GREB1L: variants seen among roughly 807,000 people sequenced by gnomAD.
The protein encoded by GREB1L is GREB1-like protein.
GREB1L carries 17 observed loss-of-function variants against 200.8 expected under a neutral mutation model. That is an observed-to-expected ratio of 0.08 (90% confidence interval 0.06 to 0.13). The LOEUF (loss-of-function observed/expected upper bound fraction) is 0.13, where lower values mean the gene tolerates loss of function less well. Among genes scored for constraint, GREB1L ranks in the 10% least tolerant of loss-of-function variants. The pLI is 1.00. For synonymous variants in GREB1L, 789 were observed against 893.0 expected (o/e 0.88, Z 2.08); for missense variants, 1,657 against 2,367.7 (o/e 0.70, Z 6.23).
intron 21 of GREB1L, among the ~76,000 whole-genome samples, chr18:21,499,356 G>C (rs2036680410): frequency 1.3e-5 from 2 of 152,168 alleles, no homozygotes; most frequent in Admixed American, 6.5e-5. Context: ...TGCTGTGCTG[G>C]GGGGTGGTTA....
intron 2 of GREB1L, among the ~76,000 whole-genome samples, chr18:21,379,297 C>G (rs1235428933): frequency 6.6e-6 from 1 of 152,148 alleles, no homozygotes; most frequent in Non-Finnish European, 1.5e-5. Context: ...ACCTCCGCCT[C>G]CCGGGTTCAA....
chr18:21,505,427 G>C lies in GREB1L; in HGVS notation c.4088G>C (p.Ser1363Thr), dbSNP rs776560385. ...EEINTDHNES[S>T]EVSQSEGEPW... ...CTTGTCCTAGATCACAATGAAAGCAGTGAAGTGAGCCAGTCAGAGGGAGAG... is the reference window on the plus strand; with the variant it reads ...CTTGTCCTAGATCACAATGAAAGCACTGAAGTGAGCCAGTCAGAGGGAGAG... The change falls in exon 24 of 33, where the codon AGT becomes ACT. Residue 1363 changes from serine (S) to threonine (T), a missense_variant. Transcript: ENST00000424526. 7.1e-6 allele frequency: 11 copies of C among 1,551,284 alleles called. No homozygotes were observed. Among genetic ancestry groups the C allele is most frequent in the Non-Finnish European group, 9.6e-6 (11 of 1,146,986 alleles).
At chr18:21,268,546 CACACACACACACACATATATATATAT>C (rs1296628931) in intron 1 of GREB1L, among the ~76,000 whole-genome samples, 3 of 97,938 alleles carry the variant, frequency 3.1e-5, no homozygotes, top group African/African-American at 1.6e-4. Flanking sequence ...CACACACACA[CACACACACACACACATATATATATAT>C]ATATATATAT....
In GREB1L at chr18:21,440,386, C is replaced by T. The variant is rs369888713; in HGVS notation, c.1067C>T (p.Thr356Met). The stretch of plus-strand genomic sequence containing the variant: ...CCTACAGTTCGCCCTCTTTCAAGAA[C>T]GGGTAAGATTTTAACAGAAGATGGA... ...PVPTVRPLSR[T>M]EPLLSAPVPQ... Residue 356 changes from threonine to methionine, a missense_variant and splice_region_variant, in exon 9 of 33, where the codon ACG (threonine) becomes ATG (methionine). By Grantham distance (81) the Thr-to-Met change is moderately conservative. Transcript: ENST00000424526. 6.8e-5 allele frequency: 106 copies of T among 1,551,176 alleles called. 1 individual carries two copies. Among genetic ancestry groups the T allele is most frequent in the Middle Eastern group, 5.0e-4 (3 of 6,020 alleles).
intron 1 of GREB1L, among the ~76,000 whole-genome samples, chr18:21,314,197 G>T (rs2038833837): frequency 6.6e-6 from 1 of 152,188 alleles, no homozygotes. Flanking sequence ...CAAACTCCAA[G>T]TTGCTATGGT....
chr18:21,322,046 G>A (rs1480809317), intron 1 of GREB1L, among the ~76,000 whole-genome samples: 1 of 152,110 alleles, frequency 6.6e-6, no homozygotes, highest in Non-Finnish European at 1.5e-5. Flanking sequence ...GAATAAGGAG[G>A]AGGTGAAATT....
At chr18:21,435,359 G>T (rs2033468115) in intron 7 of GREB1L, among the ~76,000 whole-genome samples, 2 of 152,092 alleles carry the variant, frequency 1.3e-5, no homozygotes, top group African/African-American at 2.4e-5. Flanking sequence ...CTAGGAACTG[G>T]GAATACAAAG....
At chr18:21,379,300 G>A (rs2040207424) in intron 2 of GREB1L, among the ~76,000 whole-genome samples, 1 of 152,088 alleles carries the variant, frequency 6.6e-6, no homozygotes, top group South Asian at 2.1e-4. Context: ...TCCGCCTCCC[G>A]GGTTCAAGCG....
At chr18:21,282,079 C>T (rs2038278906) in intron 1 of GREB1L, among the ~76,000 whole-genome samples, 1 of 151,984 alleles carries the variant, frequency 6.6e-6, no homozygotes, top group South Asian at 2.1e-4. Flanking sequence ...TTGAGACCAG[C>T]CTGAGTGACT....
chr18:21,464,468 C>G (rs1488713890), intron 15 of GREB1L, among the ~76,000 whole-genome samples: 1 of 147,760 alleles, frequency 6.8e-6, no homozygotes, highest in East Asian at 2.0e-4. Context: ...CACTTGAATC[C>G]AAGAGGCAGA....
At chr18:21,389,493 A>C (rs575709972) in intron 4 of GREB1L, among the ~76,000 whole-genome samples, 87 of 151,986 alleles carry the variant, frequency 5.7e-4, no homozygotes, top group African/African-American at 1.9e-3. Context: ...AGGTGTCCTC[A>C]TAAATGGGAA....
chr18:21,399,921 G>A (rs776261592), intron 5 of GREB1L, among the ~76,000 whole-genome samples: 2 of 152,006 alleles, frequency 1.3e-5, no homozygotes, highest in Non-Finnish European at 2.9e-5. Flanking sequence ...AATCCTTGTG[G>A]CTTTTCTCTT....
At chr18:21,433,331 G>A (rs1280401164) in intron 7 of GREB1L, among the ~76,000 whole-genome samples, 1 of 152,130 alleles carries the variant, frequency 6.6e-6, no homozygotes, top group African/African-American at 2.4e-5. Flanking sequence ...TGAATTCATT[G>A]TTTTAAAAAT....
chr18:21,508,062 A>G, intron 25 of GREB1L, 56 bp from the exon 26 acceptor site: 1 of 1,500,830 alleles, frequency 6.7e-7, no homozygotes, highest in South Asian at 1.2e-5. Flanking sequence ...GTGGCCTGGA[A>G]GTTTGGAAAC....
chr18:21,503,081 T>C (rs1177126108), intron 23 of GREB1L, among the ~76,000 whole-genome samples: 2 of 152,176 alleles, frequency 1.3e-5, no homozygotes, highest in Non-Finnish European at 2.9e-5. Context: ...TAAAAATAAA[T>C]GTATTATATG....
intron 1 of GREB1L, among the ~76,000 whole-genome samples, chr18:21,295,649 A>T (rs1359669222): frequency 2.0e-5 from 3 of 152,194 alleles, no homozygotes; most frequent in Admixed American, 6.5e-5. Context: ...GCAGGAGTAT[A>T]ATAAACAACA....
intron 6 of GREB1L, chr18:21,401,896 T>C (rs1254952221): frequency 6.6e-6 from 1 of 152,256 alleles, no homozygotes; most frequent in Non-Finnish European, 1.5e-5. Context: ...TTCTCTTCAC[T>C]GTGCTAAAGA....
At chr18:21,427,457 A>T (rs972564134) in intron 7 of GREB1L, among the ~76,000 whole-genome samples, 1 of 152,078 alleles carries the variant, frequency 6.6e-6, no homozygotes, top group African/African-American at 2.4e-5. Flanking sequence ...GTGAGCTGTG[A>T]TCATGCCACT....
chr18:21,489,178 G>A (rs890614105), intron 18 of GREB1L, among the ~76,000 whole-genome samples: 2 of 152,128 alleles, frequency 1.3e-5, no homozygotes, highest in African/African-American at 4.8e-5. Flanking sequence ...AAAAACTGCC[G>A]ATTTTAACAA....
Sources: gnomAD v4.1 joint callset for allele counts (sites outside exome capture counted in the v4.1 genomes callset) on GRCh38, gnomAD v4.1.1 for gene constraint, MANE v1.5 for transcripts, NCBI Gene and HGNC (gene_info 2026-07-23, HGNC 2026-07-21) for gene names.